Variants in NR6A1 observed in about 807,000 individuals in gnomAD.
NR6A1 encodes nuclear receptor subfamily 6 group A member 1.
In NR6A1, 7 loss-of-function variants were observed where a neutral mutation model predicts 59.1. That is an observed-to-expected ratio of 0.12 (90% CI 0.07 to 0.22). The LOEUF (loss-of-function observed/expected upper bound fraction) is 0.22. Ranked by LOEUF, NR6A1 falls within the 10% of genes least tolerant of loss-of-function variation. The pLI is 1.00. For synonymous variants in NR6A1, 243 were observed against 236.1 expected (o/e 1.03, Z -0.27); for missense variants, 468 against 611.6 (o/e 0.77, Z 2.48).
intron 2 of NR6A1, among the ~76,000 whole-genome samples, chr9:124,676,433 T>C (rs1164143600): frequency 6.6e-6 from 1 of 152,084 alleles, no homozygotes; most frequent in African/African-American, 2.4e-5. Context: ...CTTTCTTGCC[T>C]TTTATTTAAA....
intron 2 of NR6A1, among the ~76,000 whole-genome samples, chr9:124,620,018 G>C (rs970966580): frequency 6.6e-6 from 1 of 152,052 alleles, no homozygotes; most frequent in Non-Finnish European, 1.5e-5. Context: ...CCAAGATTGC[G>C]CCATTGCACT....
At chr9:124,686,704 CTTT>C (rs751899156) in intron 2 of NR6A1, among the ~76,000 whole-genome samples, 14 of 135,746 alleles carry the variant, frequency 1.0e-4, no homozygotes, top group African/African-American at 5.4e-5. Context: ...CTTTAAAAGT[CTTT>C]TTTTTTTTTT....
At chr9:124,559,871 CT>C (rs1384452135) in intron 2 of NR6A1, among the ~76,000 whole-genome samples, 20 of 152,260 alleles carry the variant, frequency 1.3e-4, no homozygotes, top group African/African-American at 4.8e-4. Flanking sequence ...ATCAAAATCT[CT>C]CTTAAAACAA....
intron 2 of NR6A1, among the ~76,000 whole-genome samples, chr9:124,722,765 T>C (rs571975966): frequency 8.1e-4 from 124 of 152,312 alleles, no homozygotes; most frequent in African/African-American, 2.8e-3. Flanking sequence ...ACACCCAGGC[T>C]AGAATGCAGT....
intron 3 of NR6A1, among the ~76,000 whole-genome samples, chr9:124,545,915 A>G (rs2131368126): frequency 6.6e-6 from 1 of 152,354 alleles, no homozygotes; most frequent in Non-Finnish European, 1.5e-5. Flanking sequence ...TGGGAGTTCA[A>G]GACCAGCCTG....
intron 2 of NR6A1, among the ~76,000 whole-genome samples, chr9:124,627,353 A>T (rs1836275142): frequency 6.6e-6 from 1 of 152,174 alleles, no homozygotes; most frequent in Non-Finnish European, 1.5e-5. Flanking sequence ...GCAGTGATTA[A>T]CTAAGATGTA....
chr9:124,639,518 C>A (rs1836711136), intron 2 of NR6A1, among the ~76,000 whole-genome samples: 1 of 152,182 alleles, frequency 6.6e-6, no homozygotes, highest in Admixed American at 6.5e-5. Context: ...AACCAAATCT[C>A]AAACTTAGCC....
intron 2 of NR6A1, chr9:124,595,926 T>C (rs1835258667): frequency 2.8e-6 from 2 of 726,216 alleles, no homozygotes; most frequent in Middle Eastern, 2.9e-4. Context: ...AAGCTGGTCA[T>C]GTGATTGCAA....
chr9:124,560,213 T>C (rs765526094), intron 2 of NR6A1, among the ~76,000 whole-genome samples: 2 of 152,210 alleles, frequency 1.3e-5, no homozygotes, highest in Non-Finnish European at 2.9e-5. Context: ...CCTGAAGTAT[T>C]TGCCACACAT....
chr9:124,643,111 G>GGAAAA (rs1836815099), intron 2 of NR6A1, among the ~76,000 whole-genome samples: 1 of 71,388 alleles, frequency 1.4e-5, no homozygotes, highest in African/African-American at 5.0e-5. Flanking sequence ...TGGGGGGGGG[G>GGAAAA]AACAAAAACA....
At chr9:124,638,900 C>T (rs1370030402) in intron 2 of NR6A1, among the ~76,000 whole-genome samples, 1 of 152,144 alleles carries the variant, frequency 6.6e-6, no homozygotes, top group Non-Finnish European at 1.5e-5. Context: ...TTTTGCCATA[C>T]TATTCAAGAT....
intron 2 of NR6A1, among the ~76,000 whole-genome samples, chr9:124,598,014 T>C (rs1272003317): frequency 6.6e-6 from 1 of 152,126 alleles, no homozygotes; most frequent in African/African-American, 2.4e-5. Flanking sequence ...CACGCCTGGC[T>C]AATTTGTAAA....
intron 2 of NR6A1, among the ~76,000 whole-genome samples, chr9:124,596,501 T>G (rs973011390): frequency 6.6e-6 from 1 of 152,224 alleles, no homozygotes; most frequent in Admixed American, 6.5e-5. Context: ...AATGCTCTGG[T>G]TATACATATT....
Position 124,728,112 on chromosome 9 carries a change from T to A in NR6A1, c.142+5196A>T, listed in dbSNP as rs149942946. Among the ~76,000 whole-genome samples, 923 of 152,062 alleles carry A rather than the reference T, an allele frequency of 6.1e-3. 10 individuals carry two copies. The highest frequency in any genetic ancestry group is 0.021 in the African/African-American group (878 of 41,544). On this transcript the variant is annotated intron_variant, in intron 2 of 9. Coordinates refer to ENST00000487099, the MANE Select transcript of NR6A1 (RefSeq NM_033334.4). ...CATGATCTCAGCTCACTGCAAGCTC[T>A]GCCTCCCGGGTTCACACCATTCTCC...
At chr9:124,571,619 C>T (rs907661417) in intron 2 of NR6A1, among the ~76,000 whole-genome samples, 4 of 152,102 alleles carry the variant, frequency 2.6e-5, no homozygotes, top group African/African-American at 9.7e-5. Context: ...TTGCTAACTT[C>T]GGATGAGAGT....
At chr9:124,615,510 G>A (rs1197968386) in intron 2 of NR6A1, among the ~76,000 whole-genome samples, 1 of 152,116 alleles carries the variant, frequency 6.6e-6, no homozygotes, top group African/African-American at 2.4e-5. Context: ...ATAATCAGTA[G>A]CAACACAATA....
At chr9:124,598,980 T>G in intron 2 of NR6A1, 1 of 727,088 alleles carries the variant, frequency 1.4e-6, no homozygotes, top group Non-Finnish European at 2.6e-6. Context: ...AGCTCCACCA[T>G]TGGCGTGTAG....
intron 2 of NR6A1, among the ~76,000 whole-genome samples, chr9:124,697,646 T>C (rs974903202): frequency 2.8e-5 from 4 of 144,824 alleles, no homozygotes; most frequent in Admixed American, 7.0e-5. Context: ...GAAAAAGTCA[T>C]GAGACAAGGC....
intron 7 of NR6A1, among the ~76,000 whole-genome samples, chr9:124,528,409 A>G (rs1588638391): frequency 6.6e-6 from 1 of 152,276 alleles, no homozygotes; most frequent in East Asian, 1.9e-4. Context: ...TTTTTAAAAC[A>G]CAATATAATG....
Sources: allele counts gnomAD v4.1 joint callset (sites outside exome capture counted in the v4.1 genomes callset), GRCh38; gene constraint gnomAD v4.1.1; transcripts MANE v1.5; gene names NCBI Gene and HGNC (gene_info 2026-07-23, HGNC 2026-07-21).